Variants in PCDHA8 observed in about 807,000 individuals in gnomAD.
PCDHA8 encodes the protein protocadherin alpha 8.
A neutral mutation model predicts 61.8 loss-of-function variants in PCDHA8; 53 were observed. That is an observed-to-expected ratio of 0.86 (90% CI 0.69 to 1.08). The LOEUF is 1.08. Among genes scored for constraint, PCDHA8 ranks in the 50% least tolerant of loss-of-function variants. PCDHA8 has a pLI of 0.00. For missense variants in PCDHA8, 1,293 were observed against 1,245.0 expected (o/e 1.04, Z -0.58); for synonymous variants, 618 against 556.6 (o/e 1.11, Z -1.55).
chr5:140,979,961 C>G (rs1554241296), intron 2 of PCDHA8, among the ~76,000 whole-genome samples: 1 of 152,054 alleles, frequency 6.6e-6, no homozygotes, highest in Non-Finnish European at 1.5e-5. Context: ...TAGTTTTAGC[C>G]CATTAAAATG....
chr5:140,871,553 GT>G lies in PCDHA8; in HGVS notation c.2394+27846del, dbSNP rs555355563. 1.1e-3 allele frequency: 1,577 copies of G among 1,491,202 alleles called. 1 individual carries two copies. The highest frequency in any genetic ancestry group is 2.7e-3 in the Middle Eastern group (15 of 5,580). 92.4% of individuals were successfully genotyped at this position (1,491,202 alleles called of 1,614,324 possible). On this transcript the variant is annotated intron_variant, in intron 1 of 3. Transcript: ENST00000531613. ...TGTATGTGAAATTATTTAAAATCCA[GT>G]TTTTTTTCACGGATTTTTTAAGGGA...
intron 1 of PCDHA8, among the ~76,000 whole-genome samples, chr5:140,846,525 C>T (rs140986120): frequency 1.3e-5 from 2 of 148,378 alleles, no homozygotes; most frequent in East Asian, 3.9e-4. Context: ...CAGGTGCATG[C>T]CACCATGCCC....
chr5:141,009,770 A>T lies in PCDHA8; in HGVS notation c.2686A>T (p.Ile896Phe). The part of the protein sequence containing the change: ...DKFIIPGSPA[I>F]ISIRQEPTNS... The stretch of plus-strand genomic sequence containing the variant: ...ATTCATTATCCCAGGATCTCCTGCA[A>T]TCATCTCCATCCGGCAGGAGCCTAC... The change falls in exon 4 of 4, where the codon ATC becomes TTC. Residue 896 changes from isoleucine to phenylalanine, a missense_variant. Transcript: ENST00000531613. 6.2e-7 allele frequency: 1 copy of T among 1,614,160 alleles called. No homozygotes were observed. The highest frequency in any genetic ancestry group is 8.5e-7 in the Non-Finnish European group (1 of 1,180,028).
At chr5:140,850,020 T>C (rs2150463702) in intron 1 of PCDHA8, 2 of 1,596,646 alleles carry the variant, frequency 1.3e-6, no homozygotes, top group African/African-American at 1.3e-5. Flanking sequence ...GAGCTACGTG[T>C]CAGTGCACGC....
chr5:140,968,232 G>T, intron 1 of PCDHA8: 2 of 1,613,990 alleles, frequency 1.2e-6, no homozygotes, highest in Non-Finnish European at 1.7e-6. Context: ...GTGTTGCTCT[G>T]TACTGTGCAA....
chr5:140,877,224 G>C (rs986695805), intron 1 of PCDHA8: 6 of 1,613,712 alleles, frequency 3.7e-6, no homozygotes, highest in Admixed American at 1.7e-5. Flanking sequence ...TACCGCGGTC[G>C]GTGGGTGCGG....
chr5:140,869,182 G>A (rs2050897144), intron 1 of PCDHA8: 2 of 1,613,976 alleles, frequency 1.2e-6, no homozygotes, highest in East Asian at 2.2e-5. Flanking sequence ...CTGGGAGGTG[G>A]GGAGCGGCCA....
intron 1 of PCDHA8, among the ~76,000 whole-genome samples, chr5:140,894,320 G>T (rs191376863): frequency 1.1e-3 from 163 of 152,016 alleles, no homozygotes; most frequent in Non-Finnish European, 1.7e-3. Flanking sequence ...TTAAATTATA[G>T]ATTTTAGTAT....
chr5:140,989,240 C>T (rs1180879985), intron 3 of PCDHA8, among the ~76,000 whole-genome samples: 1 of 152,152 alleles, frequency 6.6e-6, no homozygotes, highest in Non-Finnish European at 1.5e-5. Flanking sequence ...AAGTTTTAAG[C>T]CCCTTGTCAA....
intron 1 of PCDHA8, chr5:140,850,379 G>A: frequency 1.3e-6 from 2 of 1,597,906 alleles, no homozygotes; most frequent in Non-Finnish European, 1.7e-6. Flanking sequence ...GGCTGTACAC[G>A]GGCGAGATCA....
At chr5:141,008,435 G>C (rs2098377041) in intron 3 of PCDHA8, among the ~76,000 whole-genome samples, 1 of 152,160 alleles carries the variant, frequency 6.6e-6, no homozygotes, top group South Asian at 2.1e-4. Context: ...ACTTTGCCCA[G>C]ACAGACCATT....
chr5:140,857,702 G>T (rs2044803207), intron 1 of PCDHA8: 1 of 1,597,298 alleles, frequency 6.3e-7, no homozygotes, highest in African/African-American at 1.3e-5. Flanking sequence ...GACGCTGCAG[G>T]TGTTCGTGCT....
chr5:141,010,030 C>CTAG lies in PCDHA8; in HGVS notation c.*93_*94insTAG. The stretch of plus-strand genomic sequence containing the variant: ...ATTCCCTGCTCCTTTTTCCTATCTA[C>CTAG]ATGAGCCCTCTTAGAGACCTCAGAA... On this transcript the variant is annotated 3_prime_UTR_variant, in exon 4 of 4. Coordinates refer to ENST00000531613, the MANE Select transcript of PCDHA8 (RefSeq NM_018911.3). 1 of 1,580,910 alleles carries CTAG rather than the reference C, an allele frequency of 6.3e-7. No homozygotes were observed. Among genetic ancestry groups the CTAG allele is most frequent in the Admixed American group, 1.8e-5 (1 of 54,776 alleles).
chr5:140,941,960 A>G (rs569784391), intron 1 of PCDHA8, among the ~76,000 whole-genome samples: 6 of 152,354 alleles, frequency 3.9e-5, no homozygotes, highest in African/African-American at 1.4e-4. Flanking sequence ...AAACAATAGT[A>G]TCTTTACTTT....
At chr5:140,931,793 A>C (rs979670484) in intron 1 of PCDHA8, among the ~76,000 whole-genome samples, 33 of 151,972 alleles carry the variant, frequency 2.2e-4, no homozygotes, top group African/African-American at 7.7e-4. Context: ...TATTGATCTG[A>C]TCTTAATTCT....
intron 1 of PCDHA8, among the ~76,000 whole-genome samples, chr5:140,946,631 T>TATATATATATATATATATACACAC (rs57893927): frequency 7.6e-6 from 1 of 131,846 alleles, no homozygotes; most frequent in South Asian, 2.2e-4. Context: ...TATATATATA[T>TATATATATATATATATATACACAC]ACAATGGAAT....
At chr5:140,982,415 A>C (rs1291195577) in intron 2 of PCDHA8, 60 bp from the exon 3 acceptor site, 1 of 1,610,020 alleles carries the variant, frequency 6.2e-7, no homozygotes, top group African/African-American at 1.3e-5. Flanking sequence ...CTGAGGGTGG[A>C]AGAAGAGATG....
chr5:140,876,204 GC>G, intron 1 of PCDHA8: 1 of 1,613,934 alleles, frequency 6.2e-7, no homozygotes. Context: ...CGTTTGATAA[GC>G]CCAGCTATAA....
intron 1 of PCDHA8, among the ~76,000 whole-genome samples, chr5:140,950,786 T>A (rs890329662): frequency 6.6e-6 from 1 of 152,140 alleles, no homozygotes; most frequent in Non-Finnish European, 1.5e-5. Context: ...TGGTACTTTT[T>A]AAATATTGTC....
Sources: gnomAD v4.1 joint callset for allele counts (sites outside exome capture counted in the v4.1 genomes callset) on GRCh38, gnomAD v4.1.1 for gene constraint, MANE v1.5 for transcripts, NCBI Gene and HGNC (gene_info 2026-07-23, HGNC 2026-07-21) for gene names.